The following CRYBG1 variants were observed in gnomAD, a reference collection of about 807,000 sequenced individuals.
CRYBG1 encodes crystallin beta-gamma domain containing 1.
CRYBG1 carries 139 observed loss-of-function variants against 189.2 expected under a neutral mutation model. That is an observed-to-expected ratio of 0.73 (90% CI 0.64 to 0.85). The LOEUF is 0.85. Among genes scored for constraint, CRYBG1 ranks in the 40% least tolerant of loss-of-function variants. CRYBG1 has a pLI of 0.00. For synonymous variants in CRYBG1, 1,023 were observed against 1,017.1 expected, an observed-to-expected ratio of 1.01 and a Z score of -0.11; for missense variants, 2,611 against 2,675.8, an observed-to-expected ratio of 0.98 and a Z score of 0.53.
At chr6:106,386,646 C>CAAATTCTCACA (rs879776830) in intron 1 of CRYBG1, among the ~76,000 whole-genome samples, 18,108 of 152,206 alleles carry the variant, frequency 0.12, 1,186 homozygotes, top group African/African-American at 0.16. Context: ...AAGGAGCATG[C>CAAATTCTCACA]AGCCTAGATC....
chr6:106,417,879 G>A (rs114392339), intron 1 of CRYBG1, among the ~76,000 whole-genome samples: 447 of 152,388 alleles, frequency 2.9e-3, no homozygotes, highest in African/African-American at 0.01. Flanking sequence ...GGATGTTAGT[G>A]TGCTAATGAG....
chr6:106,508,891 C>T (rs1773184333), intron 2 of CRYBG1, among the ~76,000 whole-genome samples: 2 of 145,520 alleles, frequency 1.4e-5, no homozygotes, highest in African/African-American at 5.1e-5. Context: ...AGCAAGCAAC[C>T]AGTTTTGTAA....
intron 3 of CRYBG1, among the ~76,000 whole-genome samples, chr6:106,515,611 G>A (rs182972765): frequency 6.6e-6 from 1 of 152,088 alleles, no homozygotes; most frequent in Admixed American, 6.5e-5. Context: ...CATCTCACTA[G>A]TTTCATAATT....
At chr6:106,540,635 G>A (rs1774107228) in intron 9 of CRYBG1, among the ~76,000 whole-genome samples, 1 of 151,660 alleles carries the variant, frequency 6.6e-6, no homozygotes, top group African/African-American at 2.4e-5. Flanking sequence ...AAAAGGTCAT[G>A]TGCTTAGTTG....
rs1451393382 is a variant in CRYBG1, at chr6:106,519,729, A to G, written c.2521A>G (p.Thr841Ala). The change falls in exon 4 of 22, where the codon ACT becomes GCT. Residue 841 changes from threonine (T) to alanine (A), a missense_variant. Thr to Ala is a moderately conservative substitution (Grantham distance 58). This residue lies in a region of CRYBG1 where 1,622 missense variants were observed against 1,735.0 expected (regional missense o/e 0.93). Transcript: ENST00000633556. ...CGATACAGCACAAGACATCCCCACC[A>G]CTGTGGATACCAAAGATTTACCTCC... Reference protein sequence around the residue: ...VTDTAQDIPTTVDTKDLPPTA... With the variant: ...VTDTAQDIPTAVDTKDLPPTA... The G allele has an allele frequency of 1.9e-6, 3 of 1,614,118 alleles. No homozygotes were observed. The highest frequency in any genetic ancestry group is 1.1e-5 in the South Asian group (1 of 91,074).
At chr6:106,404,562 A>T (rs1770782235) in intron 1 of CRYBG1, among the ~76,000 whole-genome samples, 1 of 152,030 alleles carries the variant, frequency 6.6e-6, no homozygotes, top group Non-Finnish European at 1.5e-5. Flanking sequence ...AGAGTGGGAG[A>T]GTAAGAATTA....
intron 1 of CRYBG1, among the ~76,000 whole-genome samples, chr6:106,392,783 T>G (rs527949234): frequency 6.6e-6 from 1 of 152,108 alleles, no homozygotes; most frequent in South Asian, 2.1e-4. Context: ...ATTTTTTTTT[T>G]GAGACAGAGT....
At chr6:106,439,709 A>G (rs939620077) in intron 1 of CRYBG1, among the ~76,000 whole-genome samples, 5 of 152,138 alleles carry the variant, frequency 3.3e-5, no homozygotes, top group Non-Finnish European at 5.9e-5. Context: ...GGCACAAGAA[A>G]AAAACTTGTT....
intron 8 of CRYBG1, among the ~76,000 whole-genome samples, chr6:106,535,017 G>A (rs1163935827): frequency 1.3e-5 from 2 of 152,232 alleles, no homozygotes; most frequent in East Asian, 3.9e-4. Context: ...TAAAGTCAAG[G>A]GACTTCTTTT....
intron 13 of CRYBG1, among the ~76,000 whole-genome samples, chr6:106,548,298 C>T (rs1485714934): frequency 6.6e-6 from 1 of 152,152 alleles, no homozygotes; most frequent in East Asian, 1.9e-4. Flanking sequence ...CTCCCCCACT[C>T]CCCCCATTCA....
intron 2 of CRYBG1, among the ~76,000 whole-genome samples, chr6:106,474,087 T>A (rs1383208031): frequency 2.0e-5 from 3 of 152,236 alleles, no homozygotes; most frequent in Non-Finnish European, 4.4e-5. Flanking sequence ...ATCTTGTTGA[T>A]TACACAATGT....
At chr6:106,565,145 C>G (rs561080754) in intron 21 of CRYBG1, among the ~76,000 whole-genome samples, 1 of 152,130 alleles carries the variant, frequency 6.6e-6, no homozygotes, top group South Asian at 2.1e-4. Flanking sequence ...TGGTGAAACC[C>G]CGTCTCTACT....
In CRYBG1 at chr6:106,453,836, G is replaced by T. The variant is rs374065053; in HGVS notation, c.312+2004G>T. On this transcript the variant is annotated intron_variant, in intron 2 of 21. Coordinates refer to ENST00000633556, the MANE Select transcript of CRYBG1 (RefSeq NM_001371242.2). ...CCAAAAATGTCAGGGAAGGAAGGAG[G>T]CCAGTTGGTATACCTGGGAGAGGCG... is the stretch of plus-strand genomic sequence containing the variant. 4.9e-4 allele frequency among the ~76,000 whole-genome samples: 75 copies of T among 152,304 alleles called. 3 individuals are homozygous for T. In the South Asian group the frequency reaches 0.014, roughly 28 times the overall value.
chr6:106,476,144 A>G (rs1378164636), intron 2 of CRYBG1, among the ~76,000 whole-genome samples: 4 of 152,262 alleles, frequency 2.6e-5, no homozygotes, highest in Non-Finnish European at 5.9e-5. Context: ...TATTTCCAAA[A>G]TTCAACCTGT....
At chr6:106,370,648 TC>T (rs1170014724) in intron 1 of CRYBG1, among the ~76,000 whole-genome samples, 1 of 152,192 alleles carries the variant, frequency 6.6e-6, no homozygotes, top group African/African-American at 2.4e-5. Flanking sequence ...GCCCATACCC[TC>T]ATTCTGAGGA....
At chr6:106,380,178 T>C (rs1253175757) in intron 1 of CRYBG1, among the ~76,000 whole-genome samples, 2 of 152,146 alleles carry the variant, frequency 1.3e-5, no homozygotes, top group African/African-American at 4.8e-5. Context: ...CATATTCAGG[T>C]CCCAACATGC....
chr6:106,377,545 A>C (rs1046936488), intron 1 of CRYBG1, among the ~76,000 whole-genome samples: 8 of 151,340 alleles, frequency 5.3e-5, no homozygotes, highest in Admixed American at 5.3e-4. Flanking sequence ...CCAGGTTATC[A>C]CTGACAGAAT....
intron 1 of CRYBG1, among the ~76,000 whole-genome samples, chr6:106,375,968 A>C (rs777222545): frequency 7.0e-4 from 107 of 152,218 alleles, no homozygotes; most frequent in Non-Finnish European, 1.2e-3. Context: ...ATAACAATAT[A>C]CTATAATAAA....
chr6:106,410,114 C>T (rs533113065), intron 1 of CRYBG1, among the ~76,000 whole-genome samples: 1 of 151,978 alleles, frequency 6.6e-6, no homozygotes. Flanking sequence ...AAATTTTTGC[C>T]ATCTATCCAT....
Sources: gnomAD v4.1 joint callset for allele counts (sites outside exome capture counted in the v4.1 genomes callset) on GRCh38, gnomAD v4.1.1 for gene constraint, gnomAD v4.1.1 regional missense constraint, MANE v1.5 for transcripts, NCBI Gene and HGNC (gene_info 2026-07-23, HGNC 2026-07-21) for gene names.